CSMD2: variants seen among roughly 807,000 people sequenced by gnomAD.
The protein encoded by CSMD2 is CUB and sushi domain-containing protein 2.
Under a neutral mutation model 398.5 loss-of-function variants are expected in CSMD2, and 130 were observed. That is an observed-to-expected ratio of 0.33 (90% CI 0.28 to 0.38). The LOEUF (loss-of-function observed/expected upper bound fraction) is 0.38, where lower values mean the gene tolerates loss of function less well. Ranked by LOEUF, CSMD2 falls within the 10% of genes least tolerant of loss-of-function variation. CSMD2 has a pLI of 1.00. For synonymous variants in CSMD2, 1,828 were observed against 1,908.5 expected (o/e 0.96, Z 1.10); for missense variants, 3,829 against 4,764.9 (o/e 0.80, Z 5.78).
chr1:33,910,603 G>T (rs549992485), intron 5 of CSMD2, among the ~76,000 whole-genome samples: 8 of 152,270 alleles, frequency 5.3e-5, no homozygotes, highest in African/African-American at 1.7e-4. Context: ...GGTATTGAGG[G>T]GTGGGCACAT....
chr1:33,679,451 C>T (rs963177702), intron 25 of CSMD2, among the ~76,000 whole-genome samples: 2 of 152,238 alleles, frequency 1.3e-5, no homozygotes, highest in South Asian at 4.2e-4. Flanking sequence ...CCACCCACCT[C>T]GGTCTCCCAA....
At chr1:33,707,606 C>T (rs1462651016) in intron 22 of CSMD2, among the ~76,000 whole-genome samples, 2 of 152,096 alleles carry the variant, frequency 1.3e-5, no homozygotes, top group African/African-American at 4.8e-5. Flanking sequence ...AGCCAGTGAT[C>T]TCATGAGTGA....
At chr1:33,997,647 C>T (rs549398582) in intron 3 of CSMD2, among the ~76,000 whole-genome samples, 19 of 152,226 alleles carry the variant, frequency 1.2e-4, no homozygotes, top group African/African-American at 9.6e-5. Flanking sequence ...TATTAACAAA[C>T]GTGCTGAGAG....
chr1:33,823,151 G>A (rs1658354659), intron 7 of CSMD2, among the ~76,000 whole-genome samples: 1 of 152,160 alleles, frequency 6.6e-6, no homozygotes, highest in Admixed American at 6.5e-5. Flanking sequence ...GACAGACAGA[G>A]CAGACCCTAC....
intron 25 of CSMD2, among the ~76,000 whole-genome samples, chr1:33,676,045 G>T (rs1644697993): frequency 6.6e-6 from 1 of 152,156 alleles, no homozygotes; most frequent in Non-Finnish European, 1.5e-5. Context: ...TTGAAAACTG[G>T]CACAAGACAG....
chr1:33,952,675 T>TACACACAC (rs71740719), intron 3 of CSMD2, among the ~76,000 whole-genome samples: 34 of 148,622 alleles, frequency 2.3e-4, no homozygotes, highest in Admixed American at 1.7e-3. Flanking sequence ...TTTTGTTGTT[T>TACACACAC]ACACACACAC....
intron 2 of CSMD2, among the ~76,000 whole-genome samples, chr1:34,058,852 G>T (rs535266283): frequency 6.6e-6 from 1 of 152,172 alleles, no homozygotes; most frequent in East Asian, 1.9e-4. Flanking sequence ...ACATGAAGCC[G>T]TTTTACAAGC....
At chr1:33,613,340 T>A (rs1641171173) in intron 40 of CSMD2, among the ~76,000 whole-genome samples, 1 of 152,202 alleles carries the variant, frequency 6.6e-6, no homozygotes, top group Non-Finnish European at 1.5e-5. Context: ...ATCATCTTGG[T>A]TCTGCCTCAA....
At chr1:33,927,055 A>T (rs1290793182) in intron 4 of CSMD2, among the ~76,000 whole-genome samples, 2 of 152,200 alleles carry the variant, frequency 1.3e-5, no homozygotes, top group Non-Finnish European at 2.9e-5. Context: ...TGTGGAAATG[A>T]AGATGCCAAC....
intron 25 of CSMD2, among the ~76,000 whole-genome samples, chr1:33,692,147 G>A (rs1645261928): frequency 1.3e-5 from 2 of 152,168 alleles, no homozygotes; most frequent in African/African-American, 2.4e-5. Context: ...ATTATCAATA[G>A]GGCTATTGCA....
chr1:33,652,024 G>A (rs1322160561), intron 28 of CSMD2, among the ~76,000 whole-genome samples: 1 of 152,124 alleles, frequency 6.6e-6, no homozygotes, highest in Admixed American at 6.5e-5. Flanking sequence ...CAGGGCAAGG[G>A]CATCCAACAA....
At chr1:33,899,019 C>T (rs1050005640) in intron 5 of CSMD2, among the ~76,000 whole-genome samples, 1 of 152,172 alleles carries the variant, frequency 6.6e-6, no homozygotes, top group Admixed American at 6.5e-5. Context: ...TCTGTGGCAT[C>T]CATAAAGACA....
chr1:33,605,231 G>T, intron 42 of CSMD2, 51 bp downstream of exon 42: 1 of 1,547,618 alleles, frequency 6.5e-7, no homozygotes, highest in South Asian at 1.2e-5. Context: ...CTCTGGACCA[G>T]TCTCCACGAG....
At chr1:34,115,279 AAAG>A (rs1661500039) in intron 1 of CSMD2, among the ~76,000 whole-genome samples, 1 of 152,296 alleles carries the variant, frequency 6.6e-6, no homozygotes, top group South Asian at 2.1e-4. Context: ...CAATGACCCC[AAAG>A]AAGTCAATAT....
At chr1:34,151,231 GT>G (rs1640288821) in intron 1 of CSMD2, among the ~76,000 whole-genome samples, 1 of 152,104 alleles carries the variant, frequency 6.6e-6, no homozygotes, top group African/African-American at 2.4e-5. Flanking sequence ...AAGGAACTTG[GT>G]TTTAAAAGGT....
At chr1:33,790,084 G>A (rs1247520948) in intron 11 of CSMD2, among the ~76,000 whole-genome samples, 1 of 152,192 alleles carries the variant, frequency 6.6e-6, no homozygotes, top group African/African-American at 2.4e-5. Context: ...GGAGGAAAGA[G>A]AGCTGGGATC....
chr1:33,801,749 G>A (rs544241677), intron 10 of CSMD2, among the ~76,000 whole-genome samples: 108 of 152,170 alleles, frequency 7.1e-4, no homozygotes, highest in Non-Finnish European at 1.3e-3. Flanking sequence ...TCTCTCAAAG[G>A]GGGATAGGAA....
At chr1:33,597,501 A>G (rs922901028) in intron 44 of CSMD2, among the ~76,000 whole-genome samples, 26 of 152,246 alleles carry the variant, frequency 1.7e-4, no homozygotes, top group African/African-American at 6.0e-4. Flanking sequence ...ATGAACACTC[A>G]GTAACACAGG....
At chr1:33,614,031 A>G (rs957609327) in intron 40 of CSMD2, among the ~76,000 whole-genome samples, 8 of 150,668 alleles carry the variant, frequency 5.3e-5, no homozygotes, top group Non-Finnish European at 1.0e-4. Context: ...GAAGAATGCA[A>G]ACTCGATTTC....
Sources: allele counts gnomAD v4.1 joint callset (sites outside exome capture counted in the v4.1 genomes callset), GRCh38; gene constraint gnomAD v4.1.1; transcripts MANE v1.5; gene names NCBI Gene and HGNC (gene_info 2026-07-23, HGNC 2026-07-21).